MGMT: variants seen among roughly 807,000 people sequenced by gnomAD.
MGMT encodes O-6-methylguanine-DNA methyltransferase.
A neutral mutation model predicts 15.9 loss-of-function variants in MGMT; 14 were observed. The ratio of observed to expected loss-of-function variants is 0.88; its 90% confidence interval spans 0.58 to 1.37. The LOEUF (loss-of-function observed/expected upper bound fraction) is 1.37. Ranked by LOEUF, MGMT falls within the 40% of genes most tolerant of loss-of-function variation. The pLI is 0.00. For missense variants in MGMT, 282 were observed against 268.1 expected (o/e 1.05, Z -0.36); for synonymous variants, 130 against 118.2 (o/e 1.10, Z -0.65).
intron 2 of MGMT, among the ~76,000 whole-genome samples, chr10:129,649,320 A>G (rs532585848): frequency 3.3e-5 from 5 of 152,108 alleles, no homozygotes; most frequent in Non-Finnish European, 7.3e-5. Flanking sequence ...ATTGATGTAC[A>G]TTCTGTGTCG....
At chr10:129,580,871 A>T (rs576983898) in intron 2 of MGMT, among the ~76,000 whole-genome samples, 1 of 152,180 alleles carries the variant, frequency 6.6e-6, no homozygotes, top group African/African-American at 2.4e-5. Flanking sequence ...GGGCTGCCTT[A>T]CCCTTAGAAG....
intron 1 of MGMT, among the ~76,000 whole-genome samples, chr10:129,534,335 G>T (rs1458893527): frequency 6.6e-6 from 1 of 152,084 alleles, no homozygotes; most frequent in African/African-American, 2.4e-5. Context: ...TGTGATGTGG[G>T]CAGAGCCTCT....
At chr10:129,685,661 T>C (rs909949228) in intron 2 of MGMT, among the ~76,000 whole-genome samples, 2 of 152,240 alleles carry the variant, frequency 1.3e-5, no homozygotes, top group African/African-American at 4.8e-5. Context: ...CTAGGTGTTT[T>C]CAGAACAGTG....
In MGMT at chr10:129,770,313, G is replaced by A. The variant is rs539552998; in HGVS notation, c.*3316G>A. Reference sequence around the variant, plus strand: ...ATTGCTGAGAAACGTAAGAGGTGGTGTGACCCGCTGGAGCCCTGTGGAGTG... The same window carrying A: ...ATTGCTGAGAAACGTAAGAGGTGGTATGACCCGCTGGAGCCCTGTGGAGTG... On this transcript the variant is annotated 3_prime_UTR_variant, in exon 5 of 5. Coordinates refer to ENST00000651593, the MANE Select transcript of MGMT (RefSeq NM_002412.5). Among the ~76,000 whole-genome samples the A allele has an allele frequency of 3.3e-5, 5 of 152,384 alleles. No homozygotes were observed. Among genetic ancestry groups the A allele is most frequent in the African/African-American group, 9.6e-5 (4 of 41,600 alleles).
intron 1 of MGMT, among the ~76,000 whole-genome samples, chr10:129,515,601 G>C (rs1289960185): frequency 2.6e-5 from 4 of 152,188 alleles, no homozygotes; most frequent in South Asian, 2.1e-4. Context: ...GGCTGAGCGC[G>C]GGGCAGTTTC....
At chr10:129,687,994 A>G (rs566127551) in intron 2 of MGMT, among the ~76,000 whole-genome samples, 7 of 152,266 alleles carry the variant, frequency 4.6e-5, no homozygotes. Context: ...GATGGTTTCC[A>G]GCTTCATCCA....
chr10:129,575,655 G>A (rs1287255208), intron 2 of MGMT, among the ~76,000 whole-genome samples: 85 of 143,522 alleles, frequency 5.9e-4, no homozygotes, highest in Non-Finnish European at 6.2e-4. Context: ...ACATTCAAAA[G>A]CTAGCAGAAA....
intron 1 of MGMT, among the ~76,000 whole-genome samples, chr10:129,535,355 C>T (rs747453601): frequency 6.0e-4 from 91 of 152,114 alleles, no homozygotes; most frequent in Admixed American, 9.2e-4. Context: ...AGGATTGCAC[C>T]GCTGCTCTCC....
At chr10:129,691,921 G>A (rs1338496410) in intron 2 of MGMT, among the ~76,000 whole-genome samples, 3 of 152,188 alleles carry the variant, frequency 2.0e-5, no homozygotes, top group African/African-American at 7.2e-5. Flanking sequence ...CCACTTAGCT[G>A]CATGGCCTTG....
At chr10:129,583,713 G>A (rs750493576) in intron 2 of MGMT, among the ~76,000 whole-genome samples, 11 of 152,182 alleles carry the variant, frequency 7.2e-5, no homozygotes, top group Non-Finnish European at 1.2e-4. Context: ...CACAGGTGCC[G>A]CCCACACCTT....
At chr10:129,704,776 AG>A (rs1425130595) in intron 2 of MGMT, among the ~76,000 whole-genome samples, 1 of 151,946 alleles carries the variant, frequency 6.6e-6, no homozygotes, top group Non-Finnish European at 1.5e-5. Context: ...TCACCCAAAA[AG>A]GTCCATTTTT....
At chr10:129,541,652 C>T (rs1289736987) in intron 2 of MGMT, among the ~76,000 whole-genome samples, 1 of 152,166 alleles carries the variant, frequency 6.6e-6, no homozygotes, top group Non-Finnish European at 1.5e-5. Flanking sequence ...CTTTCACTTA[C>T]CAAGGGCTTA....
At position 129,496,488 on chromosome 10, in the gene MGMT, A is replaced by G. The variant is rs1337520643; in HGVS notation, c.-13+29192A>G. ...GTATAGTTATCCTAGCGGTGCTTGC[A>G]ACCTCTGGCTTCCATATAAAAATGT... On this transcript the variant is annotated intron_variant, in intron 1 of 4. Coordinates refer to ENST00000651593, the MANE Select transcript of MGMT (RefSeq NM_002412.5). 2.0e-5 allele frequency among the ~76,000 whole-genome samples: 3 copies of G among 152,322 alleles called. No homozygotes were observed. In the East Asian group the frequency reaches 5.8e-4, roughly 29 times the overall value.
At chr10:129,502,484 T>C (rs1366639932) in intron 1 of MGMT, among the ~76,000 whole-genome samples, 1 of 152,114 alleles carries the variant, frequency 6.6e-6, no homozygotes, top group African/African-American at 2.4e-5. Context: ...TATTTGCTTT[T>C]TGATTAAAAA....
At chr10:129,762,942 G>A (rs567136920) in intron 4 of MGMT, among the ~76,000 whole-genome samples, 8 of 152,194 alleles carry the variant, frequency 5.3e-5, no homozygotes, top group East Asian at 3.9e-4. Context: ...ATGAGGCTGC[G>A]AGTGAAAACA....
chr10:129,617,791 T>G (rs1183363849), intron 2 of MGMT, among the ~76,000 whole-genome samples: 1 of 152,222 alleles, frequency 6.6e-6, no homozygotes, highest in Non-Finnish European at 1.5e-5. Context: ...GATTGTTTTT[T>G]GCTTGTTAAT....
intron 3 of MGMT, among the ~76,000 whole-genome samples, chr10:129,739,113 G>A (rs1848600410): frequency 6.6e-6 from 1 of 152,178 alleles, no homozygotes; most frequent in Non-Finnish European, 1.5e-5. Context: ...AGCGCTTCAT[G>A]CTAAAAACTC....
At chr10:129,704,050 G>A (rs1978757) in intron 2 of MGMT, among the ~76,000 whole-genome samples, 82,963 of 151,850 alleles carry the variant, frequency 0.55, 22,962 homozygotes, top group Non-Finnish European at 0.58. Context: ...CCTTCCCCAG[G>A]GATCAGGACA....
chr10:129,756,057 G>T (rs1053011839), intron 3 of MGMT, among the ~76,000 whole-genome samples: 3 of 152,204 alleles, frequency 2.0e-5, no homozygotes, highest in Non-Finnish European at 2.9e-5. Flanking sequence ...GACACAAAAC[G>T]ATTTCTCCCG....
Sources: gnomAD v4.1 joint callset for allele counts (sites outside exome capture counted in the v4.1 genomes callset) on GRCh38, gnomAD v4.1.1 for gene constraint, MANE v1.5 for transcripts, NCBI Gene and HGNC (gene_info 2026-07-23, HGNC 2026-07-21) for gene names.